The following CFTR variants were observed in gnomAD, a reference collection of about 807,000 sequenced individuals.
CFTR encodes the protein cystic fibrosis transmembrane conductance regulator.
Under a neutral mutation model 171.6 loss-of-function variants are expected in CFTR, and 181 were observed. That is an observed-to-expected ratio of 1.05 (90% confidence interval 0.93 to 1.19). The LOEUF (loss-of-function observed/expected upper bound fraction) is 1.19, where lower values mean the gene tolerates loss of function less well. Among genes scored for constraint, CFTR ranks in the 50% most tolerant of loss-of-function variants. CFTR has a pLI of 0.00. For missense variants in CFTR, 1,968 were observed against 1,734.7 expected, an observed-to-expected ratio of 1.13 and a Z score of -2.39; for synonymous variants, 583 against 608.0, an observed-to-expected ratio of 0.96 and a Z score of 0.60.
chr7:117,618,478 TCACACA>T (rs34610095), intron 21 of CFTR, among the ~76,000 whole-genome samples: 6 of 148,210 alleles, frequency 4.0e-5, no homozygotes, highest in African/African-American at 7.5e-5. Context: ...AGACTCCGTC[TCACACA>T]CACACACACA....
At chr7:117,619,253 C>T (rs779383592) in intron 21 of CFTR, among the ~76,000 whole-genome samples, 6 of 152,292 alleles carry the variant, frequency 3.9e-5, no homozygotes, top group Middle Eastern at 3.4e-3. Flanking sequence ...CTATTCTTAG[C>T]TACTTAAGCA....
At chr7:117,567,933 C>T (rs1459469375) in intron 11 of CFTR, among the ~76,000 whole-genome samples, 1 of 152,056 alleles carries the variant, frequency 6.6e-6, no homozygotes, top group Non-Finnish European at 1.5e-5. Context: ...GAAAGATTTC[C>T]CTGGAGGAAG....
At chr7:117,566,535 C>A (rs1362256428) in intron 11 of CFTR, among the ~76,000 whole-genome samples, 1 of 151,638 alleles carries the variant, frequency 6.6e-6, no homozygotes, top group East Asian at 1.9e-4. Flanking sequence ...CTGTAATTTT[C>A]TCCTGATAGG....
At chr7:117,641,896 C>T (rs909073010) in intron 22 of CFTR, among the ~76,000 whole-genome samples, 3 of 152,220 alleles carry the variant, frequency 2.0e-5, no homozygotes, top group Non-Finnish European at 4.4e-5. Flanking sequence ...GTGGTAAGGC[C>T]TTCGCCCAAC....
rs1403829629 is a variant in CFTR, at chr7:117,495,043, A to G, written c.54-9210A>G. ...TTTCTACTATAAAATCTTAAGGCCA[A>G]TCCATTTCCCCTTTTCCTTATTTTC... On this transcript the variant is annotated intron_variant, in intron 1 of 26. Transcript: ENST00000003084. Among the ~76,000 whole-genome samples the G allele has an allele frequency of 2.0e-5, 3 of 152,114 alleles. No homozygotes were observed. In the East Asian group the frequency reaches 5.8e-4, roughly 29 times the overall value.
At chr7:117,496,107 A>G (rs2116624628) in intron 1 of CFTR, among the ~76,000 whole-genome samples, 1 of 152,270 alleles carries the variant, frequency 6.6e-6, no homozygotes, top group South Asian at 2.1e-4. Context: ...TGGAAATTTT[A>G]TGTAAATAGA....
intron 10 of CFTR, among the ~76,000 whole-genome samples, chr7:117,556,106 C>T (rs192961787): frequency 4.3e-4 from 65 of 152,214 alleles, no homozygotes; most frequent in Non-Finnish European, 8.1e-4. Flanking sequence ...CTTACTGTCA[C>T]CAGGCTGGAG....
intron 8 of CFTR, 33 bp from the exon 9 acceptor site, chr7:117,541,983 C>T (rs755476862): frequency 1.3e-5 from 14 of 1,044,816 alleles, no homozygotes; most frequent in Admixed American, 5.1e-5. Context: ...TATTCTGATT[C>T]TATAATATGT....
chr7:117,591,950 A>T lies in CFTR; in HGVS notation c.1783A>T (p.Met595Leu), dbSNP rs750140050. The T allele has an allele frequency of 1.3e-6, 2 of 1,585,100 alleles. No homozygotes were observed. Among genetic ancestry groups the T allele is most frequent in the Non-Finnish European group, 1.7e-6 (2 of 1,166,424 alleles). The stretch of plus-strand genomic sequence containing the variant: ...ATCTTAAAGCTGTGTCTGTAAACTG[A>T]TGGCTAACAAAACTAGGATTTTGGT... ...EIFESCVCKL[M>L]ANKTRILVTS... The change falls in exon 14 of 27, where the codon ATG becomes TTG. Residue 595 changes from methionine to leucine, a missense_variant. By Grantham distance (15) the Met-to-Leu change is conservative. Transcript: ENST00000003084.
chr7:117,587,768 T>C lies in CFTR; in HGVS notation c.1614T>C (p.Asn538=), dbSNP rs1196851290. The change falls in exon 12 of 27, where the codon AAT becomes AAC. Residue 538 remains asparagine, a synonymous_variant. Coordinates refer to ENST00000003084, the MANE Select transcript of CFTR (RefSeq NM_000492.4). ...EDISKFAEKD[N]IVLGEGGITL... is the part of the protein sequence containing the mutation. Reference sequence around the variant, plus strand: ...TCTCCAAGTTTGCAGAGAAAGACAATATAGTTCTTGGAGAAGGTGGAATCA... The same window carrying C: ...TCTCCAAGTTTGCAGAGAAAGACAACATAGTTCTTGGAGAAGGTGGAATCA... 1 of 1,611,454 alleles carries C rather than the reference T, an allele frequency of 6.2e-7. No individual in the cohort carries two copies. Among genetic ancestry groups the C allele is most frequent in the Non-Finnish European group, 8.5e-7 (1 of 1,177,802 alleles).
intron 22 of CFTR, among the ~76,000 whole-genome samples, chr7:117,632,325 A>T (rs1258007040): frequency 6.6e-6 from 1 of 152,112 alleles, no homozygotes; most frequent in Admixed American, 6.6e-5. Flanking sequence ...GCACTTTGAG[A>T]GGACATAGTG....
chr7:117,570,230 G>A (rs541793478), intron 11 of CFTR, among the ~76,000 whole-genome samples: 47 of 150,148 alleles, frequency 3.1e-4, no homozygotes, highest in Admixed American at 2.5e-3. Flanking sequence ...CAAAAAACCC[G>A]AAAAACAAAA....
At chr7:117,571,735 C>G (rs1791692497) in intron 11 of CFTR, among the ~76,000 whole-genome samples, 1 of 152,034 alleles carries the variant, frequency 6.6e-6, no homozygotes, top group South Asian at 2.1e-4. Flanking sequence ...AAAACAAATA[C>G]AAATCTGCAC....
In CFTR at chr7:117,592,429, G is replaced by C. The variant is rs1201012182; in HGVS notation, c.2262G>C (p.Val754=). The change falls in exon 14 of 27, where the codon GTG becomes GTC. Residue 754 remains valine (V), a synonymous_variant. Transcript: ENST00000003084. ...AGGCGATACTGCCTCGCATCAGCGTGATCAGCACTGGCCCCACGCTTCAGG... is the reference window on the plus strand; with the variant it reads ...AGGCGATACTGCCTCGCATCAGCGTCATCAGCACTGGCCCCACGCTTCAGG... ...QGEAILPRIS[V]ISTGPTLQAR... 1.8e-5 allele frequency: 29 copies of C among 1,611,296 alleles called. No individual in the cohort carries two copies. Among genetic ancestry groups the C allele is most frequent in the Non-Finnish European group, 2.3e-5 (27 of 1,178,644 alleles).
chr7:117,556,741 G>A (rs944098798), intron 10 of CFTR, among the ~76,000 whole-genome samples: 1 of 149,740 alleles, frequency 6.7e-6, no homozygotes, highest in Non-Finnish European at 1.5e-5. Flanking sequence ...GGATGGTCTC[G>A]ATCTCCTGAC....
Position 117,523,472 on chromosome 7 carries a change from G to A in CFTR, c.274-7427G>A, listed in dbSNP as rs1444153257. On this transcript the variant is annotated intron_variant, in intron 3 of 26. Transcript: ENST00000003084. ...ACTCACTGCAAGCTCCGCCTCCTGG[G>A]TTCACGCCATTCTCCTGCCTCAGCC... is the stretch of plus-strand genomic sequence containing the variant. Among the ~76,000 whole-genome samples the A allele has an allele frequency of 6.6e-5, 10 of 152,040 alleles. No individual in the cohort carries two copies. The South Asian group carries it at 1.2e-3, about 19-fold the overall frequency.
intron 3 of CFTR, 94 bp from the exon 4 acceptor site, chr7:117,530,805 C>A: frequency 1.2e-6 from 1 of 825,736 alleles, no homozygotes; most frequent in South Asian, 1.4e-5. Context: ...CATTTTAAGT[C>A]TCCTCTAAAG....
At chr7:117,543,578 A>G (rs1799092475) in intron 9 of CFTR, among the ~76,000 whole-genome samples, 1 of 152,200 alleles carries the variant, frequency 6.6e-6, no homozygotes, top group Non-Finnish European at 1.5e-5. Context: ...AATAAAATTA[A>G]TATTTTCATT....
chr7:117,639,751 A>C (rs995411400), intron 22 of CFTR, among the ~76,000 whole-genome samples: 1 of 152,184 alleles, frequency 6.6e-6, no homozygotes, highest in African/African-American at 2.4e-5. Flanking sequence ...ATTGGTGTAA[A>C]GTAGTTGAAT....
Sources: gnomAD v4.1 joint callset for allele counts (sites outside exome capture counted in the v4.1 genomes callset) on GRCh38, gnomAD v4.1.1 for gene constraint, MANE v1.5 for transcripts, NCBI Gene and HGNC (gene_info 2026-07-23, HGNC 2026-07-21) for gene names.